NR3C2: variants seen among roughly 807,000 people sequenced by gnomAD.
NR3C2 encodes nuclear receptor subfamily 3 group C member 2.
Under a neutral mutation model 86.4 loss-of-function variants are expected in NR3C2, and 15 were observed. The observed-to-expected ratio is 0.17, with a 90% confidence interval of 0.12 to 0.27. The LOEUF (loss-of-function observed/expected upper bound fraction) is 0.27. Ranked by LOEUF, NR3C2 falls within the 10% of genes least tolerant of loss-of-function variation. NR3C2 has a pLI of 1.00. For synonymous variants in NR3C2, 458 were observed against 450.5 expected, an observed-to-expected ratio of 1.02 and a Z score of -0.21; for missense variants, 960 against 1,195.6, an observed-to-expected ratio of 0.80 and a Z score of 2.91.
intron 8 of NR3C2, among the ~76,000 whole-genome samples, chr4:148,086,041 C>T (rs1560912920): frequency 6.6e-6 from 1 of 152,146 alleles, no homozygotes; most frequent in Non-Finnish European, 1.5e-5. Context: ...CCAGATTTTA[C>T]CAGAGGTACA....
chr4:148,291,667 A>G (rs1741800981), intron 2 of NR3C2, among the ~76,000 whole-genome samples: 2 of 152,094 alleles, frequency 1.3e-5, no homozygotes, highest in South Asian at 4.1e-4. Context: ...ACATTGTTTT[A>G]AAAGCTGAGT....
chr4:148,199,764 CAT>C (rs1736622802), intron 3 of NR3C2, among the ~76,000 whole-genome samples: 1 of 152,186 alleles, frequency 6.6e-6, no homozygotes, highest in Non-Finnish European at 1.5e-5. Context: ...AAAGGTAAAA[CAT>C]AGTCCATTTC....
upstream of NR3C2, chr4:148,444,012 C>T: frequency 4.1e-6 from 4 of 985,416 alleles, no homozygotes; most frequent in Non-Finnish European, 4.8e-6. Context: ...GGCGTCCCCG[C>T]AGCCAGGAGT....
intron 2 of NR3C2, among the ~76,000 whole-genome samples, chr4:148,405,156 A>G (rs923593299): frequency 6.6e-6 from 1 of 152,238 alleles, no homozygotes; most frequent in Non-Finnish European, 1.5e-5. Context: ...ATGGAAATAG[A>G]TCATAACAAT....
At chr4:148,341,718 C>T (rs768378381) in intron 2 of NR3C2, among the ~76,000 whole-genome samples, 8 of 152,078 alleles carry the variant, frequency 5.3e-5, no homozygotes, top group Non-Finnish European at 7.4e-5. Context: ...GTACCCCCAA[C>T]ATAGGTACAG....
chr4:148,083,703 G>C (rs971958747), intron 8 of NR3C2, among the ~76,000 whole-genome samples: 1 of 152,140 alleles, frequency 6.6e-6, no homozygotes, highest in Non-Finnish European at 1.5e-5. Context: ...CGAATTGACA[G>C]AAGTAGGCTT....
intron 4 of NR3C2, among the ~76,000 whole-genome samples, chr4:148,159,635 A>C (rs1734564581): frequency 6.6e-6 from 1 of 152,234 alleles, no homozygotes. Flanking sequence ...GCTAGGGCTC[A>C]GAGTTCACGC....
chr4:148,374,552 A>G (rs1002413212), intron 2 of NR3C2, among the ~76,000 whole-genome samples: 1 of 152,218 alleles, frequency 6.6e-6, no homozygotes, highest in Non-Finnish European at 1.5e-5. Context: ...ATTCTAGAGA[A>G]AATAGAAAAA....
At chr4:148,284,575 C>T (rs1741422165) in intron 2 of NR3C2, among the ~76,000 whole-genome samples, 1 of 152,150 alleles carries the variant, frequency 6.6e-6, no homozygotes, top group Non-Finnish European at 1.5e-5. Context: ...ACTATAAAAA[C>T]TCCTAATCAT....
chr4:148,359,754 T>C (rs548279448), intron 2 of NR3C2, among the ~76,000 whole-genome samples: 3 of 152,170 alleles, frequency 2.0e-5, no homozygotes, highest in Non-Finnish European at 4.4e-5. Flanking sequence ...GTAGTATGTA[T>C]ACAGAATGTT....
rs374106382 is a variant in NR3C2, at chr4:148,110,999, T to G, written c.2799+3105A>C. 1.1e-3 allele frequency among the ~76,000 whole-genome samples: 162 copies of G among 152,244 alleles called. 1 individual carries two copies. In the South Asian group the frequency reaches 0.033, roughly 31 times the overall value. On this transcript the variant is annotated intron_variant, in intron 8 of 8. Transcript: ENST00000358102. ...GAAAACAATCATCAACTGGACTTCG[T>G]TAAAATTACAAACTCCTGCTCTTCA...
intron 1 of NR3C2, among the ~76,000 whole-genome samples, chr4:148,437,124 A>G (rs1750120294): frequency 6.6e-6 from 1 of 152,240 alleles, no homozygotes; most frequent in Non-Finnish European, 1.5e-5. Flanking sequence ...GCTATAATAC[A>G]GTCTTTAGAG....
intron 1 of NR3C2, among the ~76,000 whole-genome samples, chr4:148,438,363 T>C (rs1414512071): frequency 6.6e-6 from 1 of 152,146 alleles, no homozygotes; most frequent in African/African-American, 2.4e-5. Flanking sequence ...AAGAAACATA[T>C]CTTAAAGGAA....
At chr4:148,277,540 AC>A (rs1433505367) in intron 2 of NR3C2, among the ~76,000 whole-genome samples, 1 of 152,170 alleles carries the variant, frequency 6.6e-6, no homozygotes, top group African/African-American at 2.4e-5. Flanking sequence ...ACACAGCAAG[AC>A]CCCATCTCTA....
chr4:148,137,271 G>A (rs1036186253), intron 6 of NR3C2, among the ~76,000 whole-genome samples: 4 of 152,084 alleles, frequency 2.6e-5, no homozygotes, highest in Admixed American at 6.5e-5. Flanking sequence ...AAAACAGCAC[G>A]CACTGTGAGG....
At chr4:148,290,962 ATC>A (rs1741769817) in intron 2 of NR3C2, among the ~76,000 whole-genome samples, 1 of 152,144 alleles carries the variant, frequency 6.6e-6, no homozygotes, top group Admixed American at 6.5e-5. Context: ...CAAATTAATT[ATC>A]TGTTATCTAT....
chr4:148,271,110 T>C (rs1740662765), intron 2 of NR3C2, among the ~76,000 whole-genome samples: 1 of 152,196 alleles, frequency 6.6e-6, no homozygotes, highest in Non-Finnish European at 1.5e-5. Context: ...GAGGTGAAGT[T>C]GGAAACTGCT....
intron 2 of NR3C2, among the ~76,000 whole-genome samples, chr4:148,377,989 T>C (rs774802442): frequency 9.2e-5 from 14 of 152,048 alleles, no homozygotes; most frequent in Non-Finnish European, 2.1e-4. Flanking sequence ...ACTTAGATAA[T>C]AGGCATGCCA....
chr4:148,153,580 GAGC>G (rs1368867244), intron 5 of NR3C2, among the ~76,000 whole-genome samples: 1 of 152,196 alleles, frequency 6.6e-6, no homozygotes, highest in African/African-American at 2.4e-5. Flanking sequence ...TCAGTCAGTG[GAGC>G]TTTCCCCAAC....
Sources: allele counts gnomAD v4.1 joint callset (sites outside exome capture counted in the v4.1 genomes callset), GRCh38; gene constraint gnomAD v4.1.1; transcripts MANE v1.5; gene names NCBI Gene and HGNC (gene_info 2026-07-23, HGNC 2026-07-21).